MAPT: variants seen among roughly 807,000 people sequenced by gnomAD.
MAPT encodes the protein microtubule associated protein tau, also known as microtubule-associated protein tau.
A neutral mutation model predicts 67.9 loss-of-function variants in MAPT; 34 were observed. That is an observed-to-expected ratio of 0.50 (90% CI 0.38 to 0.67). MAPT has a LOEUF of 0.67. Ranked by LOEUF, MAPT falls within the 30% of genes least tolerant of loss-of-function variation. The probability of loss-of-function intolerance (pLI) is 0.00; values close to 1 mark genes in which losing one functional copy is unlikely to be tolerated. For missense variants in MAPT, 881 were observed against 1,115.2 expected, an observed-to-expected ratio of 0.79 and a Z score of 2.99; for synonymous variants, 456 against 464.5, an observed-to-expected ratio of 0.98 and a Z score of 0.23.
chr17:45,990,161 A>G, intron 7 of MAPT, 86 bp downstream of exon 7: 1 of 1,258,400 alleles, frequency 7.9e-7, no homozygotes, highest in Non-Finnish European at 1.2e-6. Context: ...TTAGCCTCAA[A>G]GACCTTTCTT....
chr17:45,903,990 A>ATAT (rs1568133646), intron 1 of MAPT, among the ~76,000 whole-genome samples: 2 of 14,274 alleles, frequency 1.4e-4, no homozygotes, highest in African/African-American at 4.6e-4. Context: ...TTATATATTT[A>ATAT]TATATATTAT....
chr17:45,942,912 C>T (rs1474557031), intron 1 of MAPT, among the ~76,000 whole-genome samples: 3 of 152,206 alleles, frequency 2.0e-5, no homozygotes, highest in Admixed American at 6.5e-5. Flanking sequence ...GTGAAGGATT[C>T]GGAGTGGACT....
chr17:46,012,395 G>C (rs2075878356), intron 10 of MAPT, among the ~76,000 whole-genome samples: 1 of 152,018 alleles, frequency 6.6e-6, no homozygotes, highest in Non-Finnish European at 1.5e-5. Context: ...CGCTCTGCTT[G>C]TCTGCGGTCT....
At chr17:46,014,734 C>T (rs1214391210) in intron 11 of MAPT, among the ~76,000 whole-genome samples, 6 of 151,966 alleles carry the variant, frequency 3.9e-5, no homozygotes, top group Admixed American at 2.0e-4. Context: ...ATTAGCCGGG[C>T]GTGGTGGTGG....
rs2074495003 is a variant in MAPT, at chr17:45,996,648, A to T, written c.1982A>T (p.Gln661Leu). Residue 661 changes from glutamine (Q) to leucine (L), a missense_variant, in exon 9 of 13, where the codon CAG becomes CTG. Coordinates refer to ENST00000262410, the MANE Select transcript of MAPT (RefSeq NM_001377265.1). The surrounding 1 kb of genome is among the most constrained non-coding windows in gnomAD (Gnocchi z 4.5). ...KIGSTENLKH[Q>L]PGGGKVQIIN... ...GGCTCCACTGAGAACCTGAAGCACC[A>T]GCCGGGAGGCGGGAAGGTGAGAGTG... The T allele has an allele frequency of 6.2e-7, 1 of 1,613,824 alleles. No individual in the cohort carries two copies. The highest frequency in any genetic ancestry group is 8.5e-7 in the Non-Finnish European group (1 of 1,179,914).
rs1207028977 is a variant in MAPT, at chr17:45,971,124, T to TAGG, written c.134-722_134-720dup. ...CAGGGAAGGGACAATTCAGCCCTTC[T>TAGG]AGGAGGAGGAGGAGGTAGTTTTCTC... On this transcript the variant is annotated intron_variant, in intron 2 of 12. Transcript: ENST00000262410. The surrounding 1 kb of genome is among the most constrained non-coding windows in gnomAD (Gnocchi z 4.3). 6.8e-6 allele frequency among the ~76,000 whole-genome samples: 1 copy of TAGG among 147,382 alleles called. No homozygotes were observed. The highest frequency in any genetic ancestry group is 1.9e-4 in the East Asian group (1 of 5,174).
At chr17:45,986,244 T>TGGCTC (rs1453223699) in intron 5 of MAPT, among the ~76,000 whole-genome samples, 1 of 152,206 alleles carries the variant, frequency 6.6e-6, no homozygotes, top group South Asian at 2.1e-4. Flanking sequence ...GGGCTGGGCT[T>TGGCTC]GGCTCGTCTC....
Position 45,983,239 on chromosome 17 carries a change from G to C in MAPT, c.660G>C (p.Leu220=), listed in dbSNP as rs753846431. The C allele has an allele frequency of 7.5e-6, 12 of 1,604,644 alleles. No individual in the cohort carries two copies. The South Asian group carries it at 1.2e-4, about 16-fold the overall frequency. The change falls in exon 5 of 13, where the codon CTG becomes CTC. Residue 220 remains leucine (L), a synonymous_variant. Transcript: ENST00000262410. ...TCCGAGAGCCAGGCCCCCCAGGTCT[G>C]AGCCACCAGCTCATGTCCGGCATGC... ...GFLREPGPPG[L]SHQLMSGMPG... is the part of the protein sequence containing the mutation.
intron 3 of MAPT, chr17:45,974,754 G>T: frequency 2.2e-6 from 1 of 457,466 alleles, no homozygotes; most frequent in Non-Finnish European, 4.1e-6. Flanking sequence ...AGACTTCTCT[G>T]CAGGGTTTTC....
At chr17:45,911,629 C>T (rs2064800052) in intron 1 of MAPT, among the ~76,000 whole-genome samples, 2 of 149,430 alleles carry the variant, frequency 1.3e-5, no homozygotes, top group South Asian at 2.1e-4. Flanking sequence ...CTGGGCATGG[C>T]GGTGTGCGCT....
At chr17:45,990,098 G>C in intron 7 of MAPT, 23 bp downstream of exon 7, 1 of 1,608,964 alleles carries the variant, frequency 6.2e-7, no homozygotes. Context: ...CCTTTGAAAA[G>C]AACCAGGCTG....
At chr17:45,998,527 G>C (rs2074704419) in intron 9 of MAPT, among the ~76,000 whole-genome samples, 1 of 152,186 alleles carries the variant, frequency 6.6e-6, no homozygotes, top group Non-Finnish European at 1.5e-5. Context: ...AGGGAGGGAA[G>C]GAAGAGAACA....
intron 1 of MAPT, among the ~76,000 whole-genome samples, chr17:45,918,805 C>A (rs1285275133): frequency 6.6e-6 from 1 of 152,158 alleles, no homozygotes; most frequent in Non-Finnish European, 1.5e-5. Context: ...CGCCTGTAAT[C>A]CCAGCATTTT....
intron 9 of MAPT, among the ~76,000 whole-genome samples, chr17:46,008,946 AATCGGCTTTGGGAAGCCGAGGTGG>A (rs1253419490): frequency 6.6e-6 from 1 of 152,234 alleles, no homozygotes. Context: ...TTACGCTTGT[AATCGGCTTTGGGAAGCCGAGGTGG>A]GCTGATTGCT....
intron 1 of MAPT, among the ~76,000 whole-genome samples, chr17:45,953,933 A>G (rs1485330243): frequency 6.6e-6 from 1 of 152,192 alleles, no homozygotes; most frequent in African/African-American, 2.4e-5. Flanking sequence ...CAACATGAAA[A>G]GCAGAACTCC....
intron 8 of MAPT, 147 bp downstream of exon 8, chr17:45,991,733 T>C (rs1304387430): frequency 7.9e-6 from 8 of 1,012,640 alleles, no homozygotes; most frequent in African/African-American, 1.6e-5. Flanking sequence ...GGAGTCTTCA[T>C]TGCCTTCTCA....
chr17:45,916,331 A>G (rs1280793781), intron 1 of MAPT, among the ~76,000 whole-genome samples: 2 of 152,192 alleles, frequency 1.3e-5, no homozygotes, highest in African/African-American at 4.8e-5. Context: ...GGCTGACTGC[A>G]GTTTTCCTGA....
At chr17:45,943,835 C>G (rs1351759306) in intron 1 of MAPT, among the ~76,000 whole-genome samples, 1 of 152,152 alleles carries the variant, frequency 6.6e-6, no homozygotes, top group African/African-American at 2.4e-5. Context: ...TCTGGTTCTC[C>G]TTTTGAAGTT....
At chr17:45,955,731 T>TTTTTTTTTTTC (rs375606901) in intron 1 of MAPT, among the ~76,000 whole-genome samples, 20,444 of 146,606 alleles carry the variant, frequency 0.14, 1,748 homozygotes, top group Non-Finnish European at 0.21. Context: ...ACTCCTTCCT[T>TTTTTTTTTTTC]TTTTTTTTTT....
Sources: gnomAD v4.1 joint callset for allele counts (sites outside exome capture counted in the v4.1 genomes callset) on GRCh38, gnomAD v4.1.1 for gene constraint, Gnocchi (gnomAD v3.1) non-coding constraint, MANE v1.5 for transcripts, NCBI Gene and HGNC (gene_info 2026-07-23, HGNC 2026-07-21) for gene names.